Variants in NAV3 observed in about 807,000 individuals in gnomAD.
The protein encoded by NAV3 is pore membrane and/or filament interacting like protein 1.
A neutral mutation model predicts 244.7 loss-of-function variants in NAV3; 87 were observed. The ratio of observed to expected loss-of-function variants is 0.36; its 90% confidence interval spans 0.30 to 0.42. The LOEUF (loss-of-function observed/expected upper bound fraction) is 0.42. Ranked by LOEUF, NAV3 falls within the 20% of genes least tolerant of loss-of-function variation. The pLI, the probability that NAV3 is intolerant of heterozygous loss-of-function variation, is 1.00. For missense variants in NAV3, 2,663 were observed against 2,893.3 expected (o/e 0.92, Z 1.83); for synonymous variants, 1,126 against 1,042.2 (o/e 1.08, Z -1.55).
chr12:77,775,610 A>C (rs1200153294), intron 2 of NAV3, among the ~76,000 whole-genome samples: 2 of 152,166 alleles, frequency 1.3e-5, no homozygotes, highest in Non-Finnish European at 2.9e-5. Context: ...CATTATATAT[A>C]AGTATGTATA....
At chr12:78,087,795 A>G (rs1041126791) in intron 12 of NAV3, among the ~76,000 whole-genome samples, 1 of 151,950 alleles carries the variant, frequency 6.6e-6, no homozygotes, top group Non-Finnish European at 1.5e-5. Context: ...TTTAGATTTA[A>G]TTAGGGGTCT....
chr12:78,107,295 G>GA (rs1474263225), intron 12 of NAV3, among the ~76,000 whole-genome samples: 1 of 152,034 alleles, frequency 6.6e-6, no homozygotes, highest in Non-Finnish European at 1.5e-5. Context: ...CCCTGAGAGT[G>GA]AAAAGACAAA....
chr12:77,696,784 C>A (rs1232021067), intron 2 of NAV3, among the ~76,000 whole-genome samples: 1 of 152,092 alleles, frequency 6.6e-6, no homozygotes, highest in Non-Finnish European at 1.5e-5. Flanking sequence ...TCTCATTGTT[C>A]ACCTGTTTAT....
rs578003502 is a variant in NAV3, at chr12:77,672,820, A to G, written c.72+100554A>G. Among the ~76,000 whole-genome samples the G allele has an allele frequency of 4.0e-5, 6 of 151,680 alleles. No homozygotes were observed. The East Asian group carries it at 1.2e-3, about 29-fold the overall frequency. On this transcript the variant is annotated intron_variant, in intron 2 of 8. Coordinates refer to the NAV3 transcript ENST00000550042. ...AAAAACTTATTGAAATAAAAAAGAA[A>G]TTAAAAAAAATAAAATTGTGGGAAA...
chr12:77,782,069 A>G (rs1404470873), intron 2 of NAV3, among the ~76,000 whole-genome samples: 1 of 152,208 alleles, frequency 6.6e-6, no homozygotes, highest in Non-Finnish European at 1.5e-5. Context: ...CATTTGCCAA[A>G]CTAAAGCAAT....
chr12:77,660,709 T>C (rs1873400298), intron 2 of NAV3, among the ~76,000 whole-genome samples: 1 of 152,122 alleles, frequency 6.6e-6, no homozygotes, highest in Non-Finnish European at 1.5e-5. Flanking sequence ...AATTTTAGAA[T>C]GTATCCACCT....
chr12:78,125,107 T>A (rs979261624), intron 16 of NAV3, among the ~76,000 whole-genome samples: 19 of 152,276 alleles, frequency 1.2e-4, no homozygotes, highest in African/African-American at 4.3e-4. Context: ...GAAAAGTAGA[T>A]CTAGTGGGTG....
chr12:77,877,212 T>C (rs1881967216), intron 1 of NAV3, among the ~76,000 whole-genome samples: 1 of 152,128 alleles, frequency 6.6e-6, no homozygotes, highest in South Asian at 2.1e-4. Flanking sequence ...TATTTCCCAT[T>C]TGTTTCTTCC....
chr12:77,904,276 A>G (rs577708067), intron 1 of NAV3, among the ~76,000 whole-genome samples: 8 of 152,326 alleles, frequency 5.3e-5, no homozygotes, highest in African/African-American at 1.9e-4. Flanking sequence ...TGGATTAAGA[A>G]AATGTGGCAC....
At chr12:78,188,443 C>A in intron 32 of NAV3, 100 bp downstream of exon 32, 1 of 1,203,860 alleles carries the variant, frequency 8.3e-7, no homozygotes, top group Non-Finnish European at 1.2e-6. Context: ...TTTTCCTCTC[C>A]TCAAATAAGG....
chr12:78,147,876 G>A (rs1161230849), intron 21 of NAV3, among the ~76,000 whole-genome samples: 1 of 152,014 alleles, frequency 6.6e-6, no homozygotes, highest in Non-Finnish European at 1.5e-5. Flanking sequence ...AGCATCAAAA[G>A]TAGAATGTTT....
intron 8 of NAV3, 133 bp downstream of exon 8, chr12:78,007,578 G>A (rs910390786): frequency 1.0e-5 from 10 of 967,264 alleles, no homozygotes; most frequent in Non-Finnish European, 1.5e-5. Context: ...TAAAGATAGA[G>A]GCCTAGAATT....
chr12:77,836,148 G>C (rs944057446), intron 1 of NAV3, among the ~76,000 whole-genome samples: 1 of 152,156 alleles, frequency 6.6e-6, no homozygotes, highest in Non-Finnish European at 1.5e-5. Flanking sequence ...CTTTGCCTTG[G>C]AACCTTTACT....
chr12:77,851,199 T>C (rs1399984631), intron 1 of NAV3, among the ~76,000 whole-genome samples: 1 of 152,178 alleles, frequency 6.6e-6, no homozygotes, highest in East Asian at 1.9e-4. Context: ...TCTTGAATTT[T>C]TTTTATGTAA....
At chr12:77,695,646 G>T (rs1875261732) in intron 2 of NAV3, among the ~76,000 whole-genome samples, 1 of 152,054 alleles carries the variant, frequency 6.6e-6, no homozygotes, top group Non-Finnish European at 1.5e-5. Flanking sequence ...ACTGAGTATG[G>T]TTCCTAATTT....
At chr12:77,612,041 G>T (rs696069) in intron 2 of NAV3, among the ~76,000 whole-genome samples, 1 of 151,750 alleles carries the variant, frequency 6.6e-6, no homozygotes, top group Non-Finnish European at 1.5e-5. Context: ...GTCTAGTTTC[G>T]TTGCTTAATG....
chr12:77,937,468 C>T (rs1889434087), intron 1 of NAV3, among the ~76,000 whole-genome samples: 1 of 152,174 alleles, frequency 6.6e-6, no homozygotes, highest in Admixed American at 6.6e-5. Context: ...CTTATTTTCA[C>T]TTTCCATTCA....
In NAV3 at chr12:77,666,086, A is replaced by T. The variant is rs1484168337; in HGVS notation, c.72+93820A>T. Among the ~76,000 whole-genome samples the T allele has an allele frequency of 2.0e-5, 3 of 151,550 alleles. No individual in the cohort carries two copies. In the East Asian group the frequency reaches 5.8e-4, roughly 29 times the overall value. On this transcript the variant is annotated intron_variant, in intron 2 of 8. Transcript: ENST00000550042. ...TAATTTATATGTAAAATTTCTTCTA[A>T]TCTCTTCTGTTTTTATAAAATTCCA...
rs1049923233 is a variant in NAV3 at position 77,596,846 on chromosome 12, A to G, written c.72+24580A>G. On this transcript the variant is annotated intron_variant, in intron 2 of 8. Transcript: ENST00000550042. ...ATGCAGAAACCTGAACTGGGTTGGC[A>G]TTTTGGGGCATCCATGTGCAGTCTG... 3.9e-5 allele frequency among the ~76,000 whole-genome samples: 6 copies of G among 152,098 alleles called. No homozygotes were observed. The South Asian group carries it at 1.0e-3, about 26-fold the overall frequency.
Sources: allele counts gnomAD v4.1 joint callset (sites outside exome capture counted in the v4.1 genomes callset), GRCh38; gene constraint gnomAD v4.1.1; transcripts MANE v1.5; gene names NCBI Gene and HGNC (gene_info 2026-07-23, HGNC 2026-07-21).